The following CCSER1 variants were observed in gnomAD, a reference collection of about 807,000 sequenced individuals.
CCSER1 encodes the protein serine-rich coiled-coil domain-containing protein 1.
In CCSER1, 41 loss-of-function variants were observed where a neutral mutation model predicts 82.0. That is an observed-to-expected ratio of 0.50 (90% CI 0.39 to 0.65). The LOEUF (loss-of-function observed/expected upper bound fraction) is 0.65. Ranked by LOEUF, CCSER1 falls within the 30% of genes least tolerant of loss-of-function variation. CCSER1 has a pLI of 0.00. For missense variants in CCSER1, 1,119 were observed against 1,064.2 expected (o/e 1.05, Z -0.72); for synonymous variants, 414 against 383.9 (o/e 1.08, Z -0.92).
At chr4:90,543,853 G>A (rs113486020) in intron 5 of CCSER1, among the ~76,000 whole-genome samples, 6 of 152,074 alleles carry the variant, frequency 3.9e-5, no homozygotes, top group Non-Finnish European at 5.9e-5. Context: ...TGAATAATTG[G>A]TCAGATATAG....
chr4:91,536,294 A>C (rs11932823), intron 10 of CCSER1, among the ~76,000 whole-genome samples: 70,546 of 151,882 alleles, frequency 0.46, 16,836 homozygotes, highest in East Asian at 0.61. Context: ...ATAATTTTGG[A>C]ATGGGTATAC....
chr4:90,645,836 C>T (rs1727479433), intron 6 of CCSER1, among the ~76,000 whole-genome samples: 1 of 152,162 alleles, frequency 6.6e-6, no homozygotes, highest in Admixed American at 6.5e-5. Flanking sequence ...AGAAACATAT[C>T]TATTTTATTT....
intron 10 of CCSER1, among the ~76,000 whole-genome samples, chr4:91,573,154 A>C (rs935539728): frequency 6.6e-6 from 1 of 152,152 alleles, no homozygotes; most frequent in African/African-American, 2.4e-5. Context: ...AACCCCTCCA[A>C]CCCTGGTTGG....
At chr4:90,596,704 C>T (rs562218943) in intron 5 of CCSER1, among the ~76,000 whole-genome samples, 1 of 149,922 alleles carries the variant, frequency 6.7e-6, no homozygotes, top group Non-Finnish European at 1.5e-5. Context: ...ATTGCTAAAC[C>T]AGATATTTTT....
chr4:90,734,317 G>A (rs980148385), intron 7 of CCSER1, among the ~76,000 whole-genome samples: 3 of 151,856 alleles, frequency 2.0e-5, no homozygotes, highest in African/African-American at 4.8e-5. Context: ...AGTAGAGACG[G>A]GGTTTCACTG....
At chr4:90,649,019 C>G (rs1011974700) in intron 6 of CCSER1, among the ~76,000 whole-genome samples, 2 of 152,192 alleles carry the variant, frequency 1.3e-5, no homozygotes, top group Non-Finnish European at 2.9e-5. Flanking sequence ...GGCTTGACAG[C>G]TTTGCACTGA....
At chr4:90,205,505 A>T (rs1466668367) in intron 1 of CCSER1, among the ~76,000 whole-genome samples, 1 of 152,072 alleles carries the variant, frequency 6.6e-6, no homozygotes, top group African/African-American at 2.4e-5. Flanking sequence ...GACTTTATTG[A>T]TTTGCATATG....
chr4:90,493,676 G>A (rs1322693097), intron 5 of CCSER1, among the ~76,000 whole-genome samples: 1 of 152,126 alleles, frequency 6.6e-6, no homozygotes, highest in Non-Finnish European at 1.5e-5. Flanking sequence ...AGCTTCATAA[G>A]TGAAGGAGAA....
chr4:91,447,810 G>A (rs969333164), intron 10 of CCSER1, among the ~76,000 whole-genome samples: 2 of 152,050 alleles, frequency 1.3e-5, no homozygotes, highest in African/African-American at 4.8e-5. Context: ...ACTTATCATA[G>A]TGAAATATAC....
At chr4:90,436,679 C>G (rs1382495072) in intron 4 of CCSER1, among the ~76,000 whole-genome samples, 1 of 151,978 alleles carries the variant, frequency 6.6e-6, no homozygotes, top group Non-Finnish European at 1.5e-5. Context: ...ATTCATCTGA[C>G]ACAATTATAT....
intron 9 of CCSER1, among the ~76,000 whole-genome samples, chr4:91,042,424 C>T (rs530064459): frequency 7.2e-5 from 11 of 152,116 alleles, no homozygotes; most frequent in South Asian, 2.1e-4. Context: ...CAGTCTCGGG[C>T]GGTTCTTTAT....
Position 90,630,241 on chromosome 4 carries a change from A to C in CCSER1, c.1932+2009A>C, listed in dbSNP as rs1306390598. Among the ~76,000 whole-genome samples the C allele has an allele frequency of 2.0e-5, 3 of 152,110 alleles. No individual in the cohort carries two copies. The South Asian group carries it at 6.2e-4, about 32-fold the overall frequency. On this transcript the variant is annotated intron_variant, in intron 6 of 10. Transcript: ENST00000509176. ...CAACCTGATCCTCTTTGAACAAGAC[A>C]AACTTAGTAACAGCTGTTATATTAG...
chr4:91,521,366 ATGATTTATAACCCTT>A lies in CCSER1; in HGVS notation c.2218-77202_2218-77188del, dbSNP rs1218714497. 2.6e-5 allele frequency among the ~76,000 whole-genome samples: 4 copies of A among 152,346 alleles called. No individual in the cohort carries two copies. In the East Asian group the frequency reaches 7.7e-4, roughly 29 times the overall value. ...CATGTGCATGTGTCTTTATAGTAGC[ATGATTTATAACCCTT>A]TGAGTATATACCCAGTAATGGGATC... On this transcript the variant is annotated intron_variant, in intron 10 of 10. Coordinates refer to ENST00000509176, the MANE Select transcript of CCSER1 (RefSeq NM_001145065.2).
chr4:91,363,536 T>G (rs79933401), intron 10 of CCSER1, among the ~76,000 whole-genome samples: 6,071 of 151,814 alleles, frequency 0.04, 428 homozygotes, highest in African/African-American at 0.14. Flanking sequence ...CTGTTTCTAC[T>G]GTAGTGTCCT....
chr4:90,201,211 TA>T (rs1737642568), intron 1 of CCSER1, among the ~76,000 whole-genome samples: 1 of 152,182 alleles, frequency 6.6e-6, no homozygotes, highest in South Asian at 2.1e-4. Context: ...AGCTTACAAT[TA>T]AAATAAATAA....
At chr4:90,498,287 T>C (rs1030860255) in intron 5 of CCSER1, among the ~76,000 whole-genome samples, 5 of 151,978 alleles carry the variant, frequency 3.3e-5, no homozygotes, top group African/African-American at 1.2e-4. Flanking sequence ...GAATATAGTC[T>C]CTCCCTCTCT....
chr4:91,260,783 G>A (rs971359050), intron 10 of CCSER1, among the ~76,000 whole-genome samples: 2 of 151,418 alleles, frequency 1.3e-5, no homozygotes, highest in East Asian at 1.9e-4. Flanking sequence ...TTTTTTGAGA[G>A]GGAGTCTCAC....
At chr4:90,628,342 G>T (rs1271423684) in intron 6 of CCSER1, 110 bp downstream of exon 6, 2 of 789,774 alleles carry the variant, frequency 2.5e-6, no homozygotes, top group African/African-American at 3.5e-5. Flanking sequence ...ATTGGGCAGG[G>T]GTCAGGTTTC....
intron 6 of CCSER1, among the ~76,000 whole-genome samples, chr4:90,710,581 T>C (rs1740392476): frequency 6.6e-6 from 1 of 152,128 alleles, no homozygotes; most frequent in South Asian, 2.1e-4. Flanking sequence ...ATTTATTAAG[T>C]AGGGAGTCCT....
Sources: gnomAD v4.1 joint callset for allele counts (sites outside exome capture counted in the v4.1 genomes callset) on GRCh38, gnomAD v4.1.1 for gene constraint, MANE v1.5 for transcripts, NCBI Gene and HGNC (gene_info 2026-07-23, HGNC 2026-07-21) for gene names.